GK: variants seen among roughly 807,000 people sequenced by gnomAD.
GK encodes ATP:glycerol 3-phosphotransferase.
A neutral mutation model predicts 56.4 loss-of-function variants in GK; 9 were observed. That is an observed-to-expected ratio of 0.16 (90% CI 0.10 to 0.28). The LOEUF is 0.28. Among genes scored for constraint, GK ranks in the 10% least tolerant of loss-of-function variants. The pLI, the probability that GK is intolerant of heterozygous loss-of-function variation, is 1.00. For missense variants in GK, 161 were observed against 431.4 expected, an observed-to-expected ratio of 0.37 and a Z score of 5.55; for synonymous variants, 104 against 144.1, an observed-to-expected ratio of 0.72 and a Z score of 1.99.
intron 4 of GK, chrX:30,687,661 C>T (rs759995564): frequency 2.9e-6 from 1 of 339,262 alleles, no homozygotes; most frequent in South Asian, 2.6e-5. Flanking sequence ...CTCCCAAGTC[C>T]TATATGTTGG....
At chrX:30,654,868 T>C in intron 1 of GK, among the ~76,000 whole-genome samples, 1 of 112,971 alleles carries the variant, frequency 8.9e-6, no homozygotes, top group East Asian at 2.8e-4. Context: ...TATTTAGCTC[T>C]TCACTTTACC....
chrX:30,677,843 A>T, intron 4 of GK: 1 of 323,898 alleles, frequency 3.1e-6, no homozygotes, highest in Admixed American at 5.4e-5. Context: ...AAAAAGAAAG[A>T]AAAAAAAAAA....
chrX:30,720,968 C>T lies in GK; in HGVS notation c.1474C>T (p.Arg492Trp), dbSNP rs1936869436. 2 of 1,209,725 alleles carry T rather than the reference C, an allele frequency of 1.7e-6. No individual in the cohort carries two copies. Among genetic ancestry groups the T allele is most frequent in the Non-Finnish European group, 1.1e-6 (1 of 893,821 alleles). The change falls in exon 18 of 21, where the codon CGG becomes TGG. Residue 492 changes from arginine to tryptophan, a missense_variant. By Grantham distance (101) the Arg-to-Trp change is moderately radical. Transcript: ENST00000427190. ...GGATTTGTCTGCCGTCACGATGGAG[C>T]GGTTTGAACCTCAGATTAATGCGGA... Reference protein sequence around the residue: ...PEDLSAVTMERFEPQINAEES... With the variant: ...PEDLSAVTMEWFEPQINAEES...
At chrX:30,694,274 A>G (rs1230370014) in intron 5 of GK, 126 bp from the exon 6 acceptor site, 1 of 598,887 alleles carries the variant, frequency 1.7e-6, no homozygotes, top group East Asian at 3.3e-5. Context: ...ATTTTTATTC[A>G]TAATACTATG....
chrX:30,694,633 A>G (rs758313153), intron 6 of GK, 96 bp downstream of exon 6: 7 of 689,204 alleles, frequency 1.0e-5, no homozygotes, highest in African/African-American at 2.1e-5. Flanking sequence ...AGACTTTTTA[A>G]TTAGCAGCAT....
At chrX:30,660,609 T>G (rs1932676353) in intron 1 of GK, among the ~76,000 whole-genome samples, 1 of 110,331 alleles carries the variant, frequency 9.1e-6, no homozygotes, top group Non-Finnish European at 1.9e-5. Flanking sequence ...TTATTATCCT[T>G]TTACAAATGA....
chrX:30,678,131 TTG>T, intron 4 of GK: 2 of 464,580 alleles, frequency 4.3e-6, no homozygotes, highest in Non-Finnish European at 7.7e-6. Context: ...TATAAAGTAC[TTG>T]TGTGTTTGTC....
At chrX:30,698,082 A>G (rs1460942972) in intron 9 of GK, 1 of 195,615 alleles carries the variant, frequency 5.1e-6, no homozygotes, top group Non-Finnish European at 9.5e-6. Flanking sequence ...TCTATTTTAA[A>G]TGATATATTG....
intron 1 of GK, among the ~76,000 whole-genome samples, chrX:30,654,591 C>T (rs985512905): frequency 9.1e-6 from 1 of 110,304 alleles, no homozygotes; most frequent in Non-Finnish European, 1.9e-5. Context: ...GGCGTGGTGG[C>T]GGGCGCCTGT....
chrX:30,687,116 T>C (rs1255693328), intron 4 of GK, among the ~76,000 whole-genome samples: 1 of 111,151 alleles, frequency 9.0e-6, no homozygotes, highest in Non-Finnish European at 1.9e-5. Flanking sequence ...CAACACAGAC[T>C]GTAGCATGCT....
At chrX:30,687,466 G>A in intron 4 of GK, 1 of 338,756 alleles carries the variant, frequency 3.0e-6, no homozygotes, top group Non-Finnish European at 5.9e-6. Context: ...TTCCTAAATG[G>A]TCAACAAGAG....
chrX:30,723,701 C>T, intron 18 of GK: 1 of 211,658 alleles, frequency 4.7e-6, no homozygotes, highest in Non-Finnish European at 8.9e-6. Context: ...TGGCTCACTG[C>T]AACCTCCACC....
intron 5 of GK, among the ~76,000 whole-genome samples, chrX:30,693,694 G>A (rs1324230050): frequency 9.0e-6 from 1 of 110,810 alleles, no homozygotes; most frequent in East Asian, 2.8e-4. Context: ...GATTGCAGGT[G>A]TGTGCTACTA....
chrX:30,687,079 C>G (rs1361860260), intron 4 of GK, among the ~76,000 whole-genome samples: 2 of 111,148 alleles, frequency 1.8e-5, no homozygotes, highest in Non-Finnish European at 3.8e-5. Flanking sequence ...CCAAAGCAGC[C>G]CTTTCATGTC....
At chrX:30,656,174 A>G (rs1296818834) in intron 1 of GK, among the ~76,000 whole-genome samples, 1 of 111,940 alleles carries the variant, frequency 8.9e-6, no homozygotes, top group Non-Finnish European at 1.9e-5. Flanking sequence ...AAATGCAGAT[A>G]AAAGATTTGC....
In GK at chrX:30,727,457, T is replaced by C. The variant is rs755524030; in HGVS notation, c.1583-9T>C. On this transcript the variant is annotated splice_polypyrimidine_tract_variant and intron_variant, in intron 19 of 20. Coordinates refer to ENST00000427190, the MANE Select transcript of GK (RefSeq NM_001205019.2). ...TGACTGGAATTCTCTTCTGCTTGGATGACCACAGGTGACCCTAGTATCTTC... is the reference window on the plus strand; with the variant it reads ...TGACTGGAATTCTCTTCTGCTTGGACGACCACAGGTGACCCTAGTATCTTC... The C allele has an allele frequency of 9.1e-7, 1 of 1,102,786 alleles. No homozygotes were observed. The highest frequency in any genetic ancestry group is 3.0e-5 in the East Asian group (1 of 33,316). 90.9% of individuals were successfully genotyped at this position (1,102,786 alleles called of 1,213,427 possible).
intron 1 of GK, among the ~76,000 whole-genome samples, chrX:30,659,148 A>G: frequency 9.0e-6 from 1 of 110,779 alleles, no homozygotes; most frequent in Non-Finnish European, 1.9e-5. Flanking sequence ...TCCCCTGCCT[A>G]GCCTCCCCGA....
At chrX:30,677,324 T>A (rs1253071798) in intron 3 of GK, 51 bp from the exon 4 acceptor site, 4 of 663,605 alleles carry the variant, frequency 6.0e-6, no homozygotes, top group Non-Finnish European at 1.0e-5. Flanking sequence ...CTGAAGTAGT[T>A]TCCTACTTGT....
In GK at chrX:30,686,451, T is replaced by C. The variant is rs764527779; in HGVS notation, c.338-4672T>C. On this transcript the variant is annotated intron_variant, in intron 4 of 20. Coordinates refer to ENST00000427190, the MANE Select transcript of GK (RefSeq NM_001205019.2). ...ACCTTCACCTCACTTCCTATCACCCTAGCAGCTCATGACAGACCATCTCAG... is the reference window on the plus strand; with the variant it reads ...ACCTTCACCTCACTTCCTATCACCCCAGCAGCTCATGACAGACCATCTCAG... 9.8e-5 allele frequency among the ~76,000 whole-genome samples: 11 copies of C among 112,183 alleles called. No homozygotes were observed. In the South Asian group the frequency reaches 1.5e-3, roughly 15 times the overall value.
Sources: gnomAD v4.1 joint callset for allele counts (sites outside exome capture counted in the v4.1 genomes callset) on GRCh38, gnomAD v4.1.1 for gene constraint, MANE v1.5 for transcripts, NCBI Gene and HGNC (gene_info 2026-07-23, HGNC 2026-07-21) for gene names.